The following IQCM variants were observed in gnomAD, a reference collection of about 807,000 sequenced individuals.
The protein encoded by IQCM is IQ motif containing M, also known as IQ domain-containing protein M.
In IQCM, 45 loss-of-function variants were observed where a neutral mutation model predicts 57.6. That is an observed-to-expected ratio of 0.78 (90% CI 0.62 to 1.00). The LOEUF is 1.00. Ranked by LOEUF, IQCM falls within the 50% of genes least tolerant of loss-of-function variation. IQCM has a pLI of 0.00. For missense variants in IQCM, 468 were observed against 511.6 expected, an observed-to-expected ratio of 0.91 and a Z score of 0.82; for synonymous variants, 148 against 158.9, an observed-to-expected ratio of 0.93 and a Z score of 0.51.
At chr4:149,675,231 T>C (rs1438186248) in intron 7 of IQCM, among the ~76,000 whole-genome samples, 3 of 151,996 alleles carry the variant, frequency 2.0e-5, no homozygotes, top group Admixed American at 2.0e-4. Context: ...TTTAAAGATA[T>C]GCAAGAATAG....
At chr4:149,468,361 C>T (rs538679962) in intron 12 of IQCM, among the ~76,000 whole-genome samples, 13 of 152,178 alleles carry the variant, frequency 8.5e-5, no homozygotes, top group Non-Finnish European at 1.5e-4. Context: ...CCCACACCCA[C>T]GGAGCCTTGC....
At chr4:149,514,147 A>G (rs1260797512) in intron 12 of IQCM, among the ~76,000 whole-genome samples, 1 of 152,174 alleles carries the variant, frequency 6.6e-6, no homozygotes, top group Non-Finnish European at 1.5e-5. Flanking sequence ...ACTTGGGAGT[A>G]ATAATTAAAA....
At chr4:149,694,227 T>C (rs1222586940) in intron 5 of IQCM, among the ~76,000 whole-genome samples, 4 of 138,586 alleles carry the variant, frequency 2.9e-5, no homozygotes, top group African/African-American at 8.3e-5. Flanking sequence ...TCTTTTTTTT[T>C]TTTTTTTTTT....
intron 8 of IQCM, among the ~76,000 whole-genome samples, chr4:149,601,758 T>A (rs557046919): frequency 6.6e-6 from 1 of 152,072 alleles, no homozygotes; most frequent in African/African-American, 2.4e-5. Flanking sequence ...CAACATTGGA[T>A]TAGAAATATG....
chr4:149,491,619 C>A (rs1454847337), intron 12 of IQCM, among the ~76,000 whole-genome samples: 5 of 152,018 alleles, frequency 3.3e-5, no homozygotes, highest in Non-Finnish European at 7.4e-5. Context: ...AATAGTATTA[C>A]ATTATGTACA....
chr4:149,363,747 T>A (rs1729650715), intron 13 of IQCM, among the ~76,000 whole-genome samples: 1 of 152,208 alleles, frequency 6.6e-6, no homozygotes, highest in Non-Finnish European at 1.5e-5. Context: ...AATCAGGTCC[T>A]GTTTTAATAA....
chr4:149,809,265 GA>G (rs11393082), intron 2 of IQCM, among the ~76,000 whole-genome samples: 25 of 144,764 alleles, frequency 1.7e-4, no homozygotes, highest in Middle Eastern at 3.6e-3. Flanking sequence ...GTCTCAAAAA[GA>G]AAAAAAAAAC....
At chr4:149,485,331 C>T (rs1741354968) in intron 12 of IQCM, among the ~76,000 whole-genome samples, 1 of 151,852 alleles carries the variant, frequency 6.6e-6, no homozygotes. Context: ...CTCTTTAAAG[C>T]CAATAATTCT....
At chr4:149,591,617 G>T (rs767560372) in intron 8 of IQCM, among the ~76,000 whole-genome samples, 1 of 151,338 alleles carries the variant, frequency 6.6e-6, no homozygotes, top group African/African-American at 2.4e-5. Context: ...CCCACCCCAC[G>T]ACAGGCCCCG....
intron 13 of IQCM, among the ~76,000 whole-genome samples, chr4:149,423,715 C>G (rs1475504674): frequency 6.6e-6 from 1 of 151,952 alleles, no homozygotes; most frequent in Non-Finnish European, 1.5e-5. Context: ...CCAGTCTAAA[C>G]CAATACATGA....
At chr4:149,426,577 T>C (rs1734476657) in intron 13 of IQCM, among the ~76,000 whole-genome samples, 1 of 151,996 alleles carries the variant, frequency 6.6e-6, no homozygotes, top group Non-Finnish European at 1.5e-5. Context: ...AAGCTCTCAC[T>C]AGAGCTGCAG....
intron 9 of IQCM, among the ~76,000 whole-genome samples, chr4:149,580,419 AGTG>A (rs1752070117): frequency 6.6e-6 from 1 of 151,880 alleles, no homozygotes; most frequent in African/African-American, 2.4e-5. Context: ...CAAACGAAGC[AGTG>A]GTGCCAAGAG....
intron 12 of IQCM, among the ~76,000 whole-genome samples, chr4:149,526,646 T>C (rs1746192818): frequency 1.3e-5 from 2 of 152,128 alleles, no homozygotes; most frequent in Admixed American, 1.3e-4. Context: ...ATAAATATAC[T>C]ATAATGATAA....
intron 13 of IQCM, among the ~76,000 whole-genome samples, chr4:149,383,663 G>A (rs919932422): frequency 2.6e-5 from 4 of 152,024 alleles, no homozygotes; most frequent in East Asian, 1.9e-4. Context: ...TAGAATATTC[G>A]AGAGCATAAG....
intron 13 of IQCM, among the ~76,000 whole-genome samples, chr4:149,359,604 G>A (rs1729330989): frequency 6.6e-6 from 1 of 152,098 alleles, no homozygotes; most frequent in African/African-American, 2.4e-5. Context: ...TAGATAATAT[G>A]CTGAATACAC....
chr4:149,584,876 T>C (rs978052996), intron 9 of IQCM, among the ~76,000 whole-genome samples: 2 of 151,740 alleles, frequency 1.3e-5, no homozygotes, highest in Non-Finnish European at 2.9e-5. Flanking sequence ...CAACCAAGAA[T>C]AGGAGTGGGT....
At chr4:149,740,017 G>A (rs1767309005) in intron 3 of IQCM, among the ~76,000 whole-genome samples, 1 of 152,146 alleles carries the variant, frequency 6.6e-6, no homozygotes. Context: ...CTCTTAATTA[G>A]AATTGTTGAG....
chr4:149,442,945 CACACACACAGAGAGAG>C (rs1736101266), intron 12 of IQCM, among the ~76,000 whole-genome samples: 2 of 55,382 alleles, frequency 3.6e-5, no homozygotes. Flanking sequence ...CACACACACA[CACACACACAGAGAGAG>C]AGAGAGAGAG....
Position 149,808,903 on chromosome 4 carries a change from T to G in IQCM, c.-49+6408A>C, listed in dbSNP as rs184228868. Among the ~76,000 whole-genome samples the G allele has an allele frequency of 2.8e-4, 42 of 152,340 alleles. 1 individual carries two copies. In the East Asian group the frequency reaches 7.9e-3, roughly 29 times the overall value. ...ATGAGTTGTCTTGTAAGATAATTTT[T>G]TGAAGAAAGTTACTCTAAATGGAAG... is the stretch of plus-strand genomic sequence containing the variant. On this transcript the variant is annotated intron_variant, in intron 2 of 13. Transcript: ENST00000636793.
Sources: gnomAD v4.1 joint callset for allele counts (sites outside exome capture counted in the v4.1 genomes callset) on GRCh38, gnomAD v4.1.1 for gene constraint, MANE v1.5 for transcripts, NCBI Gene and HGNC (gene_info 2026-07-23, HGNC 2026-07-21) for gene names.